DDX60: variants seen among roughly 807,000 people sequenced by gnomAD.
DDX60 encodes probable ATP-dependent RNA helicase DDX60.
A neutral mutation model predicts 212.8 loss-of-function variants in DDX60; 165 were observed. The ratio of observed to expected loss-of-function variants is 0.78; its 90% CI spans 0.68 to 0.88. The LOEUF (loss-of-function observed/expected upper bound fraction) is 0.88, where lower values mean the gene tolerates loss of function less well. Ranked by LOEUF, DDX60 falls within the 40% of genes least tolerant of loss-of-function variation. The pLI is 0.00. For missense variants in DDX60, 1,905 were observed against 2,003.9 expected, an observed-to-expected ratio of 0.95 and a Z score of 0.94; for synonymous variants, 703 against 685.3, an observed-to-expected ratio of 1.03 and a Z score of -0.40.
Position 168,261,999 on chromosome 4 carries a change from C to A in DDX60, c.3273+1G>T. On this transcript the variant is annotated splice_donor_variant, in intron 24 of 37. Transcript: ENST00000393743. LOFTEE classifies it high-confidence loss of function. ...TTGGCCAAAAAGCGTATGAAAATTA[C>A]CTGCTCTACGTTGCCATTTTTAATC... is the stretch of plus-strand genomic sequence containing the variant. 1 of 1,584,686 alleles carries A rather than the reference C, an allele frequency of 6.3e-7. No homozygotes were observed. Among genetic ancestry groups the A allele is most frequent in the Non-Finnish European group, 8.5e-7 (1 of 1,170,338 alleles).
intron 1 of DDX60, among the ~76,000 whole-genome samples, chr4:168,316,962 G>A (rs1333757013): frequency 6.7e-6 from 1 of 150,306 alleles, no homozygotes; most frequent in African/African-American, 2.5e-5. Context: ...GGAGGCTGAG[G>A]TAGAAGAATC....
intron 4 of DDX60, among the ~76,000 whole-genome samples, 180 bp from the exon 5 acceptor site, chr4:168,306,900 C>T (rs1047954196): frequency 1.3e-5 from 2 of 152,176 alleles, no homozygotes; most frequent in African/African-American, 4.8e-5. Context: ...AAAAAAATCA[C>T]AGTTTGGATT....
chr4:168,311,149 T>C, intron 2 of DDX60, 82 bp from the exon 3 acceptor site: 1 of 1,447,342 alleles, frequency 6.9e-7, no homozygotes. Flanking sequence ...TTAGTTATTA[T>C]TCAAGAAAGT....
At chr4:168,279,581 G>A (rs757031207) in intron 14 of DDX60, among the ~76,000 whole-genome samples, 3 of 152,186 alleles carry the variant, frequency 2.0e-5, no homozygotes, top group South Asian at 2.1e-4. Context: ...AATGCCTGCT[G>A]GAAGAATTTA....
chr4:168,222,016 C>T (rs1190701915), intron 35 of DDX60, 135 bp from the exon 36 acceptor site: 5 of 902,336 alleles, frequency 5.5e-6, no homozygotes, highest in Non-Finnish European at 8.1e-6. Flanking sequence ...TAAGAGGGTG[C>T]CTTAGCCACA....
chr4:168,230,512 T>C (rs1578974092), intron 33 of DDX60, among the ~76,000 whole-genome samples: 1 of 152,004 alleles, frequency 6.6e-6, no homozygotes, highest in Non-Finnish European at 1.5e-5. Context: ...TGGAATAAAA[T>C]TGGAAATCAA....
chr4:168,221,397 T>C (rs1349978895), intron 36 of DDX60, among the ~76,000 whole-genome samples: 1 of 152,194 alleles, frequency 6.6e-6, no homozygotes, highest in Non-Finnish European at 1.5e-5. Context: ...TGTTATTCAG[T>C]TTTAAAATAT....
chr4:168,313,869 T>C (rs1737247385), intron 1 of DDX60, among the ~76,000 whole-genome samples: 1 of 152,200 alleles, frequency 6.6e-6, no homozygotes, highest in Non-Finnish European at 1.5e-5. Flanking sequence ...TTAAAAGGAA[T>C]AATATAGTTT....
chr4:168,251,680 C>G (rs1170700923), intron 27 of DDX60, among the ~76,000 whole-genome samples: 1 of 152,076 alleles, frequency 6.6e-6, no homozygotes, highest in Non-Finnish European at 1.5e-5. Flanking sequence ...ATTATGTATT[C>G]ACTCACACAA....
intron 29 of DDX60, among the ~76,000 whole-genome samples, chr4:168,247,847 T>C (rs1262182581): frequency 6.6e-6 from 1 of 152,204 alleles, no homozygotes; most frequent in African/African-American, 2.4e-5. Context: ...AATGAGTAAA[T>C]GCTTATCAAG....
intron 1 of DDX60, among the ~76,000 whole-genome samples, chr4:168,316,696 A>C (rs1461771829): frequency 2.0e-5 from 3 of 152,160 alleles, no homozygotes; most frequent in African/African-American, 7.2e-5. Flanking sequence ...TACAACTCCT[A>C]ATGAATTAAC....
intron 14 of DDX60, among the ~76,000 whole-genome samples, chr4:168,279,352 T>C (rs1180257261): frequency 1.3e-5 from 2 of 152,212 alleles, no homozygotes. Context: ...TGAGATTGTA[T>C]TTTTACCTCC....
chr4:168,278,563 G>A (rs547401270), intron 14 of DDX60, among the ~76,000 whole-genome samples: 2 of 152,316 alleles, frequency 1.3e-5, no homozygotes, highest in South Asian at 2.1e-4. Context: ...AGTGGCTCAC[G>A]CCTGTAATCC....
chr4:168,309,979 A>T (rs1334764106), intron 3 of DDX60, among the ~76,000 whole-genome samples: 1 of 152,194 alleles, frequency 6.6e-6, no homozygotes, highest in Non-Finnish European at 1.5e-5. Context: ...TGAGACTCGA[A>T]GGGAAAAGAT....
intron 33 of DDX60, among the ~76,000 whole-genome samples, chr4:168,233,101 G>GA (rs1337924924): frequency 6.6e-6 from 1 of 151,884 alleles, no homozygotes; most frequent in Non-Finnish European, 1.5e-5. Context: ...ACAAACATAT[G>GA]AAAAAAATGC....
rs1365535166 is a variant in DDX60 at position 168,285,409 on chromosome 4, A to G, written c.1429T>C (p.Leu477=). Residue 477 remains leucine (L), a synonymous_variant, in exon 11 of 38, where the codon TTG becomes CTG. Transcript: ENST00000393743. Reference sequence around the variant, plus strand: ...GCCTTATACCTCTTTAGAAAAGGCAAATCTTTCAAAATATCTCCAGCAAAT... The same window carrying G: ...GCCTTATACCTCTTTAGAAAAGGCAGATCTTTCAAAATATCTCCAGCAAAT... The part of the protein sequence containing the change: ...DKFAGDILKD[L]PFLKSDDPIV... 3 of 1,609,946 alleles carry G rather than the reference A, an allele frequency of 1.9e-6. No individual in the cohort carries two copies. The highest frequency in any genetic ancestry group is 2.2e-5 in the East Asian group (1 of 44,754).
intron 8 of DDX60, among the ~76,000 whole-genome samples, chr4:168,290,151 C>G (rs959953594): frequency 6.6e-6 from 1 of 152,082 alleles, no homozygotes; most frequent in Admixed American, 6.6e-5. Context: ...TTTTGCTACC[C>G]CTGCTGTGAT....
At chr4:168,289,237 T>G (rs1735985698) in intron 8 of DDX60, among the ~76,000 whole-genome samples, 1 of 152,206 alleles carries the variant, frequency 6.6e-6, no homozygotes, top group Admixed American at 6.5e-5. Context: ...AACAGTGAGC[T>G]CCGTTTCATT....
At chr4:168,312,740 A>AGATAGATAGATAGATAGATAGATAGATAT (rs1203710707) in intron 1 of DDX60, among the ~76,000 whole-genome samples, 1 of 152,140 alleles carries the variant, frequency 6.6e-6, no homozygotes, top group Non-Finnish European at 1.5e-5. Flanking sequence ...ATAGATAGAT[A>AGATAGATAGATAGATAGATAGATAGATAT]GATAGATATG....
Sources: allele counts gnomAD v4.1 joint callset (sites outside exome capture counted in the v4.1 genomes callset), GRCh38; gene constraint gnomAD v4.1.1; transcripts MANE v1.5; gene names NCBI Gene and HGNC (gene_info 2026-07-23, HGNC 2026-07-21).